The following ATXN7L1 variants were observed in gnomAD, a reference collection of about 807,000 sequenced individuals.
The protein encoded by ATXN7L1 is ataxin 7 like 1.
Under a neutral mutation model 70.8 loss-of-function variants are expected in ATXN7L1, and 15 were observed. That is an observed-to-expected ratio of 0.21 (90% CI 0.14 to 0.33). The LOEUF is 0.33. Among genes scored for constraint, ATXN7L1 ranks in the 10% least tolerant of loss-of-function variants. The pLI is 1.00. For missense variants in ATXN7L1, 975 were observed against 1,097.1 expected (o/e 0.89, Z 1.57); for synonymous variants, 440 against 445.1 (o/e 0.99, Z 0.14).
chr7:105,713,694 TGGCATGC>T (rs1794192135), intron 3 of ATXN7L1, among the ~76,000 whole-genome samples: 3 of 152,240 alleles, frequency 2.0e-5, no homozygotes, highest in Admixed American at 2.0e-4. Context: ...AGGGCACCCA[TGGCATGC>T]TGCCAACCTG....
Position 105,617,100 on chromosome 7 carries a change from C to T in ATXN7L1, c.1518-2284G>A, listed in dbSNP as rs1347666409. Reference sequence around the variant, plus strand: ...GGAGTGCAGTGGTGTGATCTCAGTTCACTGCAGGCTCCGCCTCCCGGGTTC... The same window carrying T: ...GGAGTGCAGTGGTGTGATCTCAGTTTACTGCAGGCTCCGCCTCCCGGGTTC... On this transcript the variant is annotated intron_variant, in intron 9 of 11. Transcript: ENST00000419735. Among the ~76,000 whole-genome samples, 4 of 151,568 alleles carry T rather than the reference C, an allele frequency of 2.6e-5. No homozygotes were observed. In the East Asian group the frequency reaches 7.8e-4, roughly 29 times the overall value.
chr7:105,724,664 G>A (rs373631987), intron 3 of ATXN7L1, among the ~76,000 whole-genome samples: 4 of 151,288 alleles, frequency 2.6e-5, no homozygotes, highest in East Asian at 3.9e-4. Flanking sequence ...CGAGGCGGGC[G>A]GATCACCTGA....
At chr7:105,859,317 G>A (rs141019361) in intron 2 of ATXN7L1, among the ~76,000 whole-genome samples, 25 of 151,944 alleles carry the variant, frequency 1.6e-4, no homozygotes, top group Admixed American at 4.6e-4. Context: ...ATCAAGATGT[G>A]GAAAAATGAT....
intron 2 of ATXN7L1, among the ~76,000 whole-genome samples, chr7:105,843,244 G>A (rs943535375): frequency 7.9e-4 from 120 of 152,212 alleles, no homozygotes; most frequent in African/African-American, 2.9e-3. Flanking sequence ...ACATCTAGCT[G>A]GGGCCCACCC....
intron 2 of ATXN7L1, among the ~76,000 whole-genome samples, chr7:105,834,618 T>G (rs1424205558): frequency 6.6e-6 from 1 of 152,208 alleles, no homozygotes; most frequent in East Asian, 1.9e-4. Flanking sequence ...TGAAGGGTGC[T>G]ATTCTGATGG....
chr7:105,698,202 T>G (rs1791994009), intron 3 of ATXN7L1, among the ~76,000 whole-genome samples: 1 of 152,142 alleles, frequency 6.6e-6, no homozygotes, highest in Admixed American at 6.5e-5. Flanking sequence ...ACTTGTGCCC[T>G]GTTACCTGGA....
At chr7:105,653,847 G>T (rs879264177) in intron 4 of ATXN7L1, among the ~76,000 whole-genome samples, 16 of 151,812 alleles carry the variant, frequency 1.1e-4, no homozygotes, top group African/African-American at 3.6e-4. Context: ...TCTGTGGGCC[G>T]GGCTCTCCTG....
chr7:105,641,097 C>G (rs1630015), intron 5 of ATXN7L1, among the ~76,000 whole-genome samples: 1 of 151,850 alleles, frequency 6.6e-6, no homozygotes, highest in Admixed American at 6.6e-5. Context: ...AATGGTGTTA[C>G]TGATGATATG....
intron 2 of ATXN7L1, among the ~76,000 whole-genome samples, chr7:105,859,217 T>C (rs2116650007): frequency 6.6e-6 from 1 of 152,258 alleles, no homozygotes; most frequent in East Asian, 1.9e-4. Flanking sequence ...ATGCTGTCTG[T>C]GACTTACCAA....
intron 9 of ATXN7L1, among the ~76,000 whole-genome samples, chr7:105,618,415 G>T (rs1794241606): frequency 6.6e-6 from 1 of 152,152 alleles, no homozygotes; most frequent in Admixed American, 6.5e-5. Context: ...TTCTCTTGTG[G>T]CCCTTACCTA....
chr7:105,692,375 TTCC>T (rs1791015704), intron 3 of ATXN7L1, among the ~76,000 whole-genome samples: 5 of 54,762 alleles, frequency 9.1e-5, no homozygotes, highest in South Asian at 1.1e-3. Flanking sequence ...CTTTCTTTCC[TTCC>T]TTCCTTCCTT....
At chr7:105,702,551 CACACACACACACAGACACACAT>C (rs1220645976) in intron 3 of ATXN7L1, among the ~76,000 whole-genome samples, 2 of 150,824 alleles carry the variant, frequency 1.3e-5, no homozygotes, top group Non-Finnish European at 2.9e-5. Context: ...CCACAACACA[CACACACACACACAGACACACAT>C]ACACACACAC....
chr7:105,761,723 G>A (rs1316126571), intron 3 of ATXN7L1, among the ~76,000 whole-genome samples: 1 of 152,118 alleles, frequency 6.6e-6, no homozygotes, highest in Non-Finnish European at 1.5e-5. Flanking sequence ...TGGGGTGGGG[G>A]CAGGAGTGCA....
chr7:105,619,505 TA>T (rs1418466537), intron 9 of ATXN7L1, among the ~76,000 whole-genome samples: 8 of 12,380 alleles, frequency 6.5e-4, no homozygotes, highest in Non-Finnish European at 1.0e-3. Context: ...CATATATATA[TA>T]TATATATATA....
At chr7:105,773,812 T>C (rs774150977) in intron 3 of ATXN7L1, among the ~76,000 whole-genome samples, 2 of 152,140 alleles carry the variant, frequency 1.3e-5, no homozygotes, top group Non-Finnish European at 2.9e-5. Flanking sequence ...CGTGGTAACA[T>C]TGATCAAATC....
At position 105,610,685 on chromosome 7, in the gene ATXN7L1, A is replaced by T. The variant is rs146797358; in HGVS notation, c.2473-82T>A. The T allele has an allele frequency of 1.4e-5, 17 of 1,208,020 alleles. No homozygotes were observed. The Admixed American group carries it at 3.3e-4, about 24-fold the overall frequency. 74.8% of individuals were successfully genotyped at this position (1,208,020 alleles called of 1,614,324 possible). On this transcript the variant is annotated intron_variant, in intron 10 of 11. Transcript: ENST00000419735. ...GCCGATGCCACATGTTCTAGGGGAA[A>T]GAAGGGCTGCACAATGCCTCCTTCA... is the stretch of plus-strand genomic sequence containing the variant.
In ATXN7L1 at chr7:105,850,166, TG is replaced by T. The variant is rs1486176267; in HGVS notation, c.250+25645del. Among the ~76,000 whole-genome samples the T allele has an allele frequency of 7.8e-4, 119 of 152,374 alleles. 1 individual carries two copies. The highest frequency in any genetic ancestry group is 6.2e-4 in the South Asian group (3 of 4,834). ...ATATAATGATAAAAAAATACTTTCC[TG>T]TAGAATTAGAGTTGAACTGACATTC... On this transcript the variant is annotated intron_variant, in intron 2 of 11. Transcript: ENST00000419735.
chr7:105,635,637 T>C (rs963639730), intron 7 of ATXN7L1, among the ~76,000 whole-genome samples: 2 of 152,246 alleles, frequency 1.3e-5, no homozygotes, highest in Non-Finnish European at 1.5e-5. Context: ...CCTTGTTATC[T>C]AACTTTAACT....
At chr7:105,870,281 C>T (rs1289892870) in intron 2 of ATXN7L1, among the ~76,000 whole-genome samples, 1 of 125,320 alleles carries the variant, frequency 8.0e-6, no homozygotes, top group African/African-American at 3.0e-5. Context: ...GACTCCATTT[C>T]AAAAAAAAAA....
Sources: allele counts gnomAD v4.1 joint callset (sites outside exome capture counted in the v4.1 genomes callset), GRCh38; gene constraint gnomAD v4.1.1; transcripts MANE v1.5; gene names NCBI Gene and HGNC (gene_info 2026-07-23, HGNC 2026-07-21).